Variants in AIG1 observed in about 807,000 individuals in gnomAD.
The protein encoded by AIG1 is androgen induced 1, also known as androgen-induced gene 1 protein.
Under a neutral mutation model 31.4 loss-of-function variants are expected in AIG1, and 23 were observed. The observed-to-expected ratio is 0.73, with a 90% CI of 0.53 to 1.04. The LOEUF (loss-of-function observed/expected upper bound fraction) is 1.04, where lower values mean the gene tolerates loss of function less well. AIG1 is among the 50% of genes least tolerant of loss of function. AIG1 has a pLI of 0.00. For synonymous variants in AIG1, 100 were observed against 110.5 expected (o/e 0.90, Z 0.60); for missense variants, 274 against 295.0 (o/e 0.93, Z 0.52).
intron 4 of AIG1, among the ~76,000 whole-genome samples, chr6:143,290,908 C>A (rs1340318842): frequency 6.6e-6 from 1 of 152,156 alleles, no homozygotes; most frequent in Non-Finnish European, 1.5e-5. Context: ...CAAGGCCATC[C>A]ATGCTTCACT....
Position 143,246,694 on chromosome 6 carries a change from C to T in AIG1, c.400-37416C>T, listed in dbSNP as rs116137362. Among the ~76,000 whole-genome samples, 1,311 of 152,214 alleles carry T rather than the reference C, an allele frequency of 8.6e-3. 16 individuals are homozygous for T. The highest frequency in any genetic ancestry group is 0.029 in the African/African-American group (1,198 of 41,514). Reference sequence around the variant, plus strand: ...CAACATTTACTGAGCACTTACATACCGTGTAATGTTCTGTGTGTTTTACAT... The same window carrying T: ...CAACATTTACTGAGCACTTACATACTGTGTAATGTTCTGTGTGTTTTACAT... On this transcript the variant is annotated intron_variant, in intron 3 of 5. Transcript: ENST00000357847.
At chr6:143,180,847 A>T (rs902496933) in intron 3 of AIG1, among the ~76,000 whole-genome samples, 2 of 152,200 alleles carry the variant, frequency 1.3e-5, no homozygotes, top group South Asian at 4.1e-4. Context: ...TATGAAACTG[A>T]TCCTCAAGGG....
At chr6:143,134,661 T>C (rs1247573226) in intron 1 of AIG1, among the ~76,000 whole-genome samples, 1 of 152,034 alleles carries the variant, frequency 6.6e-6, no homozygotes, top group Non-Finnish European at 1.5e-5. Context: ...TAAGTTACTA[T>C]AGATGGTCCA....
rs11391392 is a variant in AIG1, at chr6:143,340,459, A to ATTTTTTTT, written c.*786_*793dup. Among the ~76,000 whole-genome samples, 1 of 150,832 alleles carries ATTTTTTTT rather than the reference A, an allele frequency of 6.6e-6. No homozygotes were observed. The highest frequency in any genetic ancestry group is 1.5e-5 in the Non-Finnish European group (1 of 67,670). On this transcript the variant is annotated 3_prime_UTR_variant, in exon 6 of 6. Coordinates refer to ENST00000357847, the MANE Select transcript of AIG1 (RefSeq NM_016108.4). The stretch of plus-strand genomic sequence containing the variant: ...AATCTTTTTGATAACTCCAAAACAA[A>ATTTTTTTT]TTTTTTTTTTCTTTTTTTCCAGATG...
downstream of AIG1, among the ~76,000 whole-genome samples, chr6:143,341,902 G>T (rs1041271683): frequency 5.3e-5 from 8 of 152,062 alleles, no homozygotes; most frequent in Admixed American, 1.3e-4. Flanking sequence ...ATAATCCCTG[G>T]GATATCGAAT....
rs540583627 is a variant in AIG1 at position 143,299,243 on chromosome 6, G to A, written c.515+15018G>A. On this transcript the variant is annotated intron_variant, in intron 4 of 5. Transcript: ENST00000357847. The surrounding 1 kb of genome is among the most constrained non-coding windows in gnomAD (Gnocchi z 4.1). ...CAGTACCACTTCTCCTTAGCATCAT[G>A]TACAATTTCTTCTCTGCTGTGATAA... 26 of 152,282 alleles carry A rather than the reference G, an allele frequency of 1.7e-4. No individual in the cohort carries two copies. Among genetic ancestry groups the A allele is most frequent in the African/African-American group, 6.0e-4 (25 of 41,558 alleles). The allele number at this position is 152,282 out of a possible 1,614,324, so 9.4% of individuals were successfully genotyped here. A position where few individuals can be genotyped will look rare whatever the true frequency, so the allele number is the denominator to read the frequency against.
chr6:143,182,962 G>T lies in AIG1; in HGVS notation c.399+17779G>T, dbSNP rs545683369. 1.7e-3 allele frequency among the ~76,000 whole-genome samples: 257 copies of T among 152,224 alleles called. 2 individuals are homozygous for T. Among genetic ancestry groups the T allele is most frequent in the African/African-American group, 5.9e-3 (243 of 41,522 alleles). On this transcript the variant is annotated intron_variant, in intron 3 of 5. Transcript: ENST00000357847. ...TTAACGTCACTCTTCAATTTCAGCT[G>T]CACTGCAGCAAAATCCTGCACACAT... is the stretch of plus-strand genomic sequence containing the variant.
intron 3 of AIG1, among the ~76,000 whole-genome samples, chr6:143,226,355 G>A (rs773772855): frequency 1.3e-5 from 2 of 151,208 alleles, no homozygotes; most frequent in South Asian, 4.2e-4. Context: ...ATTGTCCTGC[G>A]TCAGCCTCCA....
chr6:143,212,365 A>G (rs1191530289), intron 3 of AIG1, among the ~76,000 whole-genome samples: 2 of 152,158 alleles, frequency 1.3e-5, no homozygotes, highest in South Asian at 2.1e-4. Flanking sequence ...AAATCAGCCA[A>G]CCCTTCTTTA....
intron 4 of AIG1, among the ~76,000 whole-genome samples, chr6:143,315,791 A>G (rs1327672985): frequency 3.9e-5 from 6 of 152,134 alleles, no homozygotes; most frequent in Non-Finnish European, 7.4e-5. Context: ...TGAGAAAACA[A>G]TAATAATCCA....
intron 2 of AIG1, among the ~76,000 whole-genome samples, chr6:143,144,297 A>G (rs1367268017): frequency 6.6e-6 from 1 of 152,222 alleles, no homozygotes; most frequent in Non-Finnish European, 1.5e-5. Flanking sequence ...CATGGAGCCT[A>G]CTGTGTAGCA....
Position 143,268,777 on chromosome 6 carries a change from A to T in AIG1, c.400-15333A>T, listed in dbSNP as rs547873720. ...GTGTTAACCATGTTTGGTGGATGCC[A>T]GGATGTGCCACACAGGTCCCCTTTG... On this transcript the variant is annotated intron_variant, in intron 3 of 5. Coordinates refer to ENST00000357847, the MANE Select transcript of AIG1 (RefSeq NM_016108.4). The surrounding 1 kb of genome is among the most constrained non-coding windows in gnomAD (Gnocchi z 5.0). 2.0e-5 allele frequency among the ~76,000 whole-genome samples: 3 copies of T among 152,358 alleles called. No homozygotes were observed. Among genetic ancestry groups the T allele is most frequent in the African/African-American group, 7.2e-5 (3 of 41,586 alleles).
chr6:143,232,671 C>T (rs556409528), intron 3 of AIG1, among the ~76,000 whole-genome samples: 2 of 152,308 alleles, frequency 1.3e-5, no homozygotes, highest in East Asian at 3.9e-4. Flanking sequence ...CCATAACCTG[C>T]TAATAACTGA....
Position 143,292,117 on chromosome 6 carries a change from C to T in AIG1, c.515+7892C>T, listed in dbSNP as rs1798100289. ...TTTCCTGGCCAAATTTAAATTAAAC[C>T]CTGGACTCAGCCCCTTTAATAATGT... is the stretch of plus-strand genomic sequence containing the variant. On this transcript the variant is annotated intron_variant, in intron 4 of 5. Transcript: ENST00000357847. The surrounding 1 kb of genome is among the most constrained non-coding windows in gnomAD (Gnocchi z 4.9). Among the ~76,000 whole-genome samples, 1 of 152,012 alleles carries T rather than the reference C, an allele frequency of 6.6e-6. No homozygotes were observed. Among genetic ancestry groups the T allele is most frequent in the East Asian group, 1.9e-4 (1 of 5,188 alleles).
intron 3 of AIG1, among the ~76,000 whole-genome samples, chr6:143,219,299 T>A (rs1269711867): frequency 6.6e-6 from 1 of 152,102 alleles, no homozygotes; most frequent in Non-Finnish European, 1.5e-5. Flanking sequence ...AGGCTCAGGT[T>A]CCTTATCTAT....
chr6:143,210,419 C>G (rs1009821990), intron 3 of AIG1, among the ~76,000 whole-genome samples: 2 of 152,112 alleles, frequency 1.3e-5, no homozygotes, highest in Admixed American at 6.5e-5. Context: ...GATTCTCTCC[C>G]CAGAGCTTCC....
At chr6:143,234,291 A>G (rs952635488) in intron 3 of AIG1, among the ~76,000 whole-genome samples, 1 of 152,220 alleles carries the variant, frequency 6.6e-6, no homozygotes, top group Non-Finnish European at 1.5e-5. Flanking sequence ...AAACACACAC[A>G]CACTTATAAA....
intron 4 of AIG1, among the ~76,000 whole-genome samples, chr6:143,290,927 C>T (rs774824195): frequency 2.6e-5 from 4 of 152,130 alleles, no homozygotes; most frequent in Admixed American, 6.5e-5. Flanking sequence ...CTATGCCCGT[C>T]TTCCCCACCC....
intron 4 of AIG1, among the ~76,000 whole-genome samples, chr6:143,308,661 C>T (rs1409050268): frequency 2.6e-5 from 4 of 152,346 alleles, no homozygotes; most frequent in African/African-American, 9.6e-5. Flanking sequence ...TCAGACTTAA[C>T]ATTGTTCTGG....
Sources: gnomAD v4.1 joint callset for allele counts (sites outside exome capture counted in the v4.1 genomes callset) on GRCh38, gnomAD v4.1.1 for gene constraint, Gnocchi (gnomAD v3.1) non-coding constraint, MANE v1.5 for transcripts, NCBI Gene and HGNC (gene_info 2026-07-23, HGNC 2026-07-21) for gene names.